Variants in STXBP5L observed in about 807,000 individuals in gnomAD.
The protein encoded by STXBP5L is syntaxin binding protein 5L.
Under a neutral mutation model 144.5 loss-of-function variants are expected in STXBP5L, and 65 were observed. The observed-to-expected ratio is 0.45, with a 90% confidence interval of 0.37 to 0.55. The LOEUF is 0.55. Among genes scored for constraint, STXBP5L ranks in the 20% least tolerant of loss-of-function variants. STXBP5L has a pLI of 0.00. For synonymous variants in STXBP5L, 505 were observed against 469.6 expected (o/e 1.08, Z -0.97); for missense variants, 1,298 against 1,405.5 (o/e 0.92, Z 1.22).
At chr3:121,359,988 A>T (rs935399962) in intron 20 of STXBP5L, among the ~76,000 whole-genome samples, 12 of 145,398 alleles carry the variant, frequency 8.3e-5, no homozygotes, top group Non-Finnish European at 1.5e-4. Context: ...TAATATATAT[A>T]ATATATATAT....
intron 4 of STXBP5L, among the ~76,000 whole-genome samples, chr3:121,043,561 T>C (rs1947304177): frequency 1.3e-5 from 2 of 152,046 alleles, no homozygotes; most frequent in African/African-American, 4.8e-5. Flanking sequence ...TTACAAAAAT[T>C]AGTTGGACGT....
In STXBP5L at chr3:121,194,909, C is replaced by CTTTT. The variant is rs10717806; in HGVS notation, c.878-10992_878-10989dup. 8.6e-3 allele frequency among the ~76,000 whole-genome samples: 586 copies of CTTTT among 68,494 alleles called. 15 individuals are homozygous for CTTTT. Among genetic ancestry groups the CTTTT allele is most frequent in the South Asian group, 0.02 (31 of 1,518 alleles). 44.9% of individuals were successfully genotyped at this position (68,494 alleles called of 152,430 possible). On this transcript the variant is annotated intron_variant, in intron 9 of 26. Coordinates refer to ENST00000471454, the MANE Select transcript of STXBP5L (RefSeq NM_001308330.2). ...TCTGAGATAGGTCCCTCTTTTCACT[C>CTTTT]TTTTTTTTTTTTTTTTTTTTTTTTT...
At position 121,423,805 on chromosome 3, in the gene STXBP5L, G is replaced by A. The variant is rs551665007; in HGVS notation, c.*4708G>A. On this transcript the variant is annotated 3_prime_UTR_variant, in exon 27 of 27. Transcript: ENST00000471454. ...CCCCAGTTCTGAGTGGTCAGGGAAG[G>A]CAAGATGTAAGATATAGTAATGGTA... The A allele has an allele frequency of 4.6e-5, 7 of 152,202 alleles. No homozygotes were observed. Among genetic ancestry groups the A allele is most frequent in the Non-Finnish European group, 8.8e-5 (6 of 68,042 alleles). The allele number at this position is 152,202 out of a possible 1,614,324, so 9.4% of individuals were successfully genotyped here. A position where few individuals can be genotyped will look rare whatever the true frequency, so the allele number is the denominator to read the frequency against.
At chr3:121,146,016 G>T (rs2045701148) in intron 7 of STXBP5L, among the ~76,000 whole-genome samples, 1 of 151,982 alleles carries the variant, frequency 6.6e-6, no homozygotes, top group African/African-American at 2.4e-5. Context: ...TTGAATATCA[G>T]CTCAAGGTTC....
At chr3:120,939,266 C>T (rs1267104057) in intron 2 of STXBP5L, among the ~76,000 whole-genome samples, 1 of 152,142 alleles carries the variant, frequency 6.6e-6, no homozygotes, top group Admixed American at 6.5e-5. Context: ...TACATATAGA[C>T]TTCTTGGTTT....
chr3:120,952,029 A>G (rs903223067), intron 2 of STXBP5L, among the ~76,000 whole-genome samples: 1 of 151,708 alleles, frequency 6.6e-6, no homozygotes, highest in Non-Finnish European at 1.5e-5. Context: ...ACTGGAAATC[A>G]TCATTCTCAG....
chr3:120,978,069 T>A (rs1941292847), intron 3 of STXBP5L, among the ~76,000 whole-genome samples: 1 of 152,190 alleles, frequency 6.6e-6, no homozygotes, highest in Non-Finnish European at 1.5e-5. Flanking sequence ...TTCTCTGTAT[T>A]TCCTGAATGT....
chr3:121,059,210 C>A (rs1460998898), intron 5 of STXBP5L, among the ~76,000 whole-genome samples: 1 of 152,204 alleles, frequency 6.6e-6, no homozygotes, highest in Admixed American at 6.5e-5. Flanking sequence ...GTTTTCCCAA[C>A]ACCATTTATT....
Position 121,407,336 on chromosome 3 carries a change from A to G in STXBP5L, c.2681A>G (p.Asp894Gly). 1.9e-6 allele frequency: 3 copies of G among 1,612,852 alleles called. No individual in the cohort carries two copies. The highest frequency in any genetic ancestry group is 2.5e-6 in the Non-Finnish European group (3 of 1,179,276). Residue 894 changes from aspartate (D) to glycine (G), a missense_variant, in exon 23 of 27, where the codon GAT becomes GGT. Asp to Gly is a moderately conservative substitution (Grantham distance 94). Coordinates refer to ENST00000471454, the MANE Select transcript of STXBP5L (RefSeq NM_001308330.2). ...CAACCGCCATATGAAGTTTGGAGGGATCCAAACAACATAGATGAAAATGAA... is the reference window on the plus strand; with the variant it reads ...CAACCGCCATATGAAGTTTGGAGGGGTCCAAACAACATAGATGAAAATGAA... ...LMQPPYEVWR[D>G]PNNIDENEKS...
At chr3:121,129,979 A>G (rs1398700786) in intron 7 of STXBP5L, among the ~76,000 whole-genome samples, 3 of 152,130 alleles carry the variant, frequency 2.0e-5, no homozygotes, top group East Asian at 3.9e-4. Flanking sequence ...AAAGTGTCAC[A>G]TCACTTGATG....
intron 20 of STXBP5L, among the ~76,000 whole-genome samples, chr3:121,320,057 A>G (rs1339818198): frequency 1.3e-5 from 2 of 152,234 alleles, no homozygotes; most frequent in African/African-American, 4.8e-5. Flanking sequence ...TTGTCAGTTC[A>G]CACACAAACA....
intron 19 of STXBP5L, among the ~76,000 whole-genome samples, chr3:121,316,948 C>T (rs2043807805): frequency 6.6e-6 from 1 of 152,170 alleles, no homozygotes. Context: ...ATAGCAAAGC[C>T]TGTTCAAGTC....
At chr3:121,264,805 C>CA (rs60150188) in intron 18 of STXBP5L, among the ~76,000 whole-genome samples, 15,681 of 114,106 alleles carry the variant, frequency 0.14, 1,072 homozygotes, top group Middle Eastern at 0.22. Context: ...ATGGAAAGCA[C>CA]AAAAAAAAAA....
chr3:121,301,978 C>G (rs1054756946), intron 19 of STXBP5L, among the ~76,000 whole-genome samples: 9 of 152,194 alleles, frequency 5.9e-5, no homozygotes, highest in African/African-American at 1.9e-4. Flanking sequence ...TTACATTGAT[C>G]TTCATCAGGG....
intron 3 of STXBP5L, among the ~76,000 whole-genome samples, chr3:121,037,591 T>A (rs990008972): frequency 2.0e-5 from 3 of 152,102 alleles, no homozygotes; most frequent in African/African-American, 4.8e-5. Context: ...TGAATCTATA[T>A]TCATGAGAGA....
intron 19 of STXBP5L, among the ~76,000 whole-genome samples, chr3:121,313,343 G>T (rs1163797545): frequency 7.2e-6 from 1 of 138,180 alleles, no homozygotes; most frequent in African/African-American, 2.8e-5. Context: ...CGGGCGGGGG[G>T]CTGACCCCCC....
intron 3 of STXBP5L, among the ~76,000 whole-genome samples, chr3:121,006,560 G>C (rs1463271659): frequency 6.6e-6 from 1 of 151,954 alleles, no homozygotes; most frequent in East Asian, 1.9e-4. Flanking sequence ...ATTTAAGGTT[G>C]ATATTGTTAT....
In STXBP5L at chr3:120,989,335, T is replaced by C. The variant is rs941350898; in HGVS notation, c.287+34298T>C. ...TTTAAATAATAGCCATTCTGACTGG[T>C]GTAAGATGGTATCTCGCTGTGGTTT... On this transcript the variant is annotated intron_variant, in intron 3 of 26. Coordinates refer to ENST00000471454, the MANE Select transcript of STXBP5L (RefSeq NM_001308330.2). Among the ~76,000 whole-genome samples the C allele has an allele frequency of 3.3e-5, 5 of 152,342 alleles. No individual in the cohort carries two copies. The East Asian group carries it at 9.6e-4, about 29-fold the overall frequency.
intron 3 of STXBP5L, among the ~76,000 whole-genome samples, chr3:120,966,415 G>A (rs1460911525): frequency 6.6e-6 from 1 of 152,150 alleles, no homozygotes. Flanking sequence ...CATCTTTGTG[G>A]CTTTATCTAC....
Sources: gnomAD v4.1 joint callset for allele counts (sites outside exome capture counted in the v4.1 genomes callset) on GRCh38, gnomAD v4.1.1 for gene constraint, MANE v1.5 for transcripts, NCBI Gene and HGNC (gene_info 2026-07-23, HGNC 2026-07-21) for gene names.